The following SMAD7 variants were observed in gnomAD, a reference collection of about 807,000 sequenced individuals.
SMAD7 encodes MAD (mothers against decapentaplegic, Drosophila) homolog 7.
In SMAD7, 8 loss-of-function variants were observed where a neutral mutation model predicts 38.7. The observed-to-expected ratio is 0.21, with a 90% CI of 0.12 to 0.37. SMAD7 has a LOEUF of 0.37. SMAD7 is among the 10% of genes least tolerant of loss of function. SMAD7 has a pLI of 1.00. For synonymous variants in SMAD7, 327 were observed against 265.1 expected (o/e 1.23, Z -2.27); for missense variants, 477 against 577.9 (o/e 0.83, Z 1.79).
At chr18:48,939,413 G>T (rs1282555403) in intron 3 of SMAD7, among the ~76,000 whole-genome samples, 2 of 134,586 alleles carry the variant, frequency 1.5e-5, no homozygotes, top group East Asian at 4.3e-4. Context: ...TGCAATGCTG[G>T]AATTCCAACC....
intron 3 of SMAD7, among the ~76,000 whole-genome samples, chr18:48,925,440 C>A (rs961151949): frequency 6.6e-6 from 1 of 150,460 alleles, no homozygotes; most frequent in South Asian, 2.1e-4. Context: ...TTGCCCCCCC[C>A]CAACCTTCCC....
Position 48,940,603 on chromosome 18 carries a change from T to C in SMAD7, c.742+1878A>G, listed in dbSNP as rs113326938. Among the ~76,000 whole-genome samples, 257 of 152,124 alleles carry C rather than the reference T, an allele frequency of 1.7e-3. 2 individuals carry two copies. The highest frequency in any genetic ancestry group is 5.4e-3 in the African/African-American group (223 of 41,498). ...CCATCTCTACTAAAAATACAAAAAATTAGCTGGGCACAGTGGTGGATGCCT... is the reference window on the plus strand; with the variant it reads ...CCATCTCTACTAAAAATACAAAAAACTAGCTGGGCACAGTGGTGGATGCCT... On this transcript the variant is annotated intron_variant, in intron 3 of 3. Transcript: ENST00000262158.
chr18:48,937,057 C>T lies in SMAD7; in HGVS notation c.742+5424G>A, dbSNP rs558022714. On this transcript the variant is annotated intron_variant, in intron 3 of 3. Transcript: ENST00000262158. ...TCCTGCCATTGCACTCCAGCCTGGG[C>T]GACAGAGCAAAACTCCATCTCGAAT... 5.3e-5 allele frequency among the ~76,000 whole-genome samples: 8 copies of T among 150,254 alleles called. No homozygotes were observed. In the South Asian group the frequency reaches 1.1e-3, roughly 20 times the overall value.
intron 2 of SMAD7, among the ~76,000 whole-genome samples, chr18:48,947,682 CT>C (rs1186377507): frequency 6.6e-6 from 1 of 152,240 alleles, no homozygotes; most frequent in Non-Finnish European, 1.5e-5. Flanking sequence ...GGATGGACCC[CT>C]GTGCTGCTGC....
rs1338187526 is a variant in SMAD7 at position 48,950,434 on chromosome 18, G to A, written c.-10C>T. 6.5e-7 allele frequency: 1 copy of A among 1,544,672 alleles called. No homozygotes were observed. The highest frequency in any genetic ancestry group is 2.6e-5 in the East Asian group (1 of 37,754). On this transcript the variant is annotated 5_prime_UTR_variant, in exon 1 of 4. Coordinates refer to ENST00000262158, the MANE Select transcript of SMAD7 (RefSeq NM_005904.4). Reference sequence around the variant, plus strand: ...GTTTGGTCCTGAACATGCGGGGCGAGGAGGCGAGGAGAAAAGTCGTTTGCC... The same window carrying A: ...GTTTGGTCCTGAACATGCGGGGCGAAGAGGCGAGGAGAAAAGTCGTTTGCC...
rs920281680 is a variant in SMAD7, at chr18:48,950,523, G to T, written c.-99C>A. On this transcript the variant is annotated 5_prime_UTR_variant, in exon 1 of 4. In the 5' UTR this introduces an upstream ATG that the reference lacks. Coordinates refer to ENST00000262158, the MANE Select transcript of SMAD7 (RefSeq NM_005904.4). ...AGTCGGGCGCCGAGTTGGGGCAGCA[G>T]GCGCAGGCGACAGCAGCAGCAGCAG... is the stretch of plus-strand genomic sequence containing the variant. The T allele has an allele frequency of 8.1e-7, 1 of 1,239,304 alleles. No homozygotes were observed. The highest frequency in any genetic ancestry group is 1.1e-6 in the Non-Finnish European group (1 of 927,696). 76.8% of individuals were successfully genotyped at this position (1,239,304 alleles called of 1,614,324 possible).
intron 3 of SMAD7, among the ~76,000 whole-genome samples, chr18:48,934,203 C>T (rs550134136): frequency 6.6e-6 from 1 of 152,272 alleles, no homozygotes; most frequent in Admixed American, 6.5e-5. Context: ...AGCACAGCAC[C>T]GTTACTGGAC....
At chr18:48,929,567 TCTCA>T (rs1555716111) in intron 3 of SMAD7, among the ~76,000 whole-genome samples, 5 of 61,782 alleles carry the variant, frequency 8.1e-5, no homozygotes, top group African/African-American at 1.5e-4. Flanking sequence ...TCTCTCTCTC[TCTCA>T]CTCACACACA....
intron 2 of SMAD7, among the ~76,000 whole-genome samples, chr18:48,947,365 G>A (rs1599236691): frequency 6.6e-6 from 1 of 152,162 alleles, no homozygotes; most frequent in Admixed American, 6.6e-5. Context: ...TTAATTAGTG[G>A]GGGGAAAGGC....
At chr18:48,934,416 G>A (rs1465810402) in intron 3 of SMAD7, among the ~76,000 whole-genome samples, 3 of 151,634 alleles carry the variant, frequency 2.0e-5, no homozygotes, top group Non-Finnish European at 4.4e-5. Flanking sequence ...TGGGTAAAAA[G>A]GCTAAAGGCG....
intron 2 of SMAD7, among the ~76,000 whole-genome samples, chr18:48,946,558 T>C (rs1443320358): frequency 6.6e-6 from 1 of 152,234 alleles, no homozygotes; most frequent in Non-Finnish European, 1.5e-5. Flanking sequence ...ATTTCTTTTT[T>C]TGTTCTATTT....
intron 3 of SMAD7, among the ~76,000 whole-genome samples, chr18:48,923,787 G>A (rs763051367): frequency 4.6e-5 from 7 of 152,192 alleles, no homozygotes; most frequent in Non-Finnish European, 8.8e-5. Flanking sequence ...GCGTGTGCAA[G>A]ACTGTGTCCA....
At chr18:48,922,746 C>T (rs911413599) in intron 3 of SMAD7, among the ~76,000 whole-genome samples, 7 of 152,046 alleles carry the variant, frequency 4.6e-5, no homozygotes, top group African/African-American at 1.2e-4. Context: ...CCTTCTCTGC[C>T]GGCACCCCCA....
At chr18:48,947,048 TTAAG>T (rs1323251122) in intron 2 of SMAD7, among the ~76,000 whole-genome samples, 2 of 152,322 alleles carry the variant, frequency 1.3e-5, no homozygotes, top group Middle Eastern at 3.4e-3. Context: ...TCTTGATTCT[TTAAG>T]CCAAAACCCA....
intron 3 of SMAD7, among the ~76,000 whole-genome samples, chr18:48,932,007 C>A (rs538278189): frequency 6.6e-6 from 1 of 152,310 alleles, no homozygotes; most frequent in Admixed American, 6.5e-5. Flanking sequence ...TGATTGTGCC[C>A]CCACTGAGCA....
chr18:48,925,439 C>CG (rs978582610), intron 3 of SMAD7, among the ~76,000 whole-genome samples: 1 of 150,544 alleles, frequency 6.6e-6, no homozygotes, highest in Non-Finnish European at 1.5e-5. Flanking sequence ...GTTGCCCCCC[C>CG]CCAACCTTCC....
At position 48,950,340 on chromosome 18, in the gene SMAD7, C is replaced by A; in HGVS notation, c.85G>T (p.Gly29Trp). Residue 29 changes from glycine to tryptophan, a missense_variant, in exon 1 of 4, where the codon GGG becomes TGG. Transcript: ENST00000262158. Reference sequence around the variant, plus strand: ...AGCTCGCCTCCTCCTCCACCTCCCCCTGCGCCCTCCTCCTCGTCCTCGCCG... The same window carrying A: ...AGCTCGCCTCCTCCTCCACCTCCCCATGCGCCCTCCTCCTCGTCCTCGCCG... The part of the protein sequence containing the change: ...PGGEDEEEGA[G>W]GGGGGGELRG... The A allele has an allele frequency of 6.5e-7, 1 of 1,542,372 alleles. No homozygotes were observed. Among genetic ancestry groups the A allele is most frequent in the African/African-American group, 1.4e-5 (1 of 71,844 alleles).
At chr18:48,935,076 T>A (rs964343649) in intron 3 of SMAD7, among the ~76,000 whole-genome samples, 1 of 152,142 alleles carries the variant, frequency 6.6e-6, no homozygotes, top group African/African-American at 2.4e-5. Flanking sequence ...AGAAGCCTGG[T>A]TCTCTCTCTA....
chr18:48,945,577 C>T (rs2070186201), intron 2 of SMAD7, among the ~76,000 whole-genome samples: 1 of 152,182 alleles, frequency 6.6e-6, no homozygotes, highest in Non-Finnish European at 1.5e-5. Flanking sequence ...ATGACCTAAT[C>T]TCTTTCATCA....
Sources: gnomAD v4.1 joint callset for allele counts (sites outside exome capture counted in the v4.1 genomes callset) on GRCh38, gnomAD v4.1.1 for gene constraint, MANE v1.5 for transcripts, NCBI Gene and HGNC (gene_info 2026-07-23, HGNC 2026-07-21) for gene names.